The following ARHGEF28 variants were observed in gnomAD, a reference collection of about 807,000 sequenced individuals.
The protein encoded by ARHGEF28 is 190 kDa guanine nucleotide exchange factor.
Under a neutral mutation model 206.6 loss-of-function variants are expected in ARHGEF28, and 152 were observed. The ratio of observed to expected loss-of-function variants is 0.74; its 90% CI spans 0.64 to 0.84. The LOEUF (loss-of-function observed/expected upper bound fraction) is 0.84. Ranked by LOEUF, ARHGEF28 falls within the 40% of genes least tolerant of loss-of-function variation. The pLI is 0.00. For missense variants in ARHGEF28, 2,028 were observed against 2,073.2 expected, an observed-to-expected ratio of 0.98 and a Z score of 0.42; for synonymous variants, 763 against 776.4, an observed-to-expected ratio of 0.98 and a Z score of 0.29.
At chr5:73,661,724 T>C (rs1745610502) in intron 1 of ARHGEF28, among the ~76,000 whole-genome samples, 1 of 151,934 alleles carries the variant, frequency 6.6e-6, no homozygotes, top group Non-Finnish European at 1.5e-5. Context: ...GGCCAGATGG[T>C]GGAGCAGACA....
rs1308077599 is a variant in ARHGEF28, at chr5:73,909,933, C to T, written c.4647+36C>T. On this transcript the variant is annotated intron_variant, in intron 34 of 35. Coordinates refer to ENST00000513042, the MANE Select transcript of ARHGEF28 (RefSeq NM_001177693.2). ...TCTGCGGTGCTGTGAGGCAGCCTCT[C>T]AAAGACAGGGGTGGGCCTGGGGGCT... 4.1e-6 allele frequency: 6 copies of T among 1,478,328 alleles called. No individual in the cohort carries two copies. The East Asian group carries it at 9.4e-5, about 23-fold the overall frequency. 91.6% of individuals were successfully genotyped at this position (1,478,328 alleles called of 1,614,324 possible).
At chr5:73,860,756 C>G (rs941385149) in intron 16 of ARHGEF28, among the ~76,000 whole-genome samples, 1 of 152,170 alleles carries the variant, frequency 6.6e-6, no homozygotes, top group African/African-American at 2.4e-5. Context: ...CCCACATAAA[C>G]TTAAGGACCT....
chr5:73,638,092 C>T (rs531078926), intron 1 of ARHGEF28, among the ~76,000 whole-genome samples: 15 of 152,348 alleles, frequency 9.8e-5, no homozygotes, highest in African/African-American at 3.1e-4. Flanking sequence ...AATGCAACCA[C>T]AAACTGTAGC....
intron 1 of ARHGEF28, among the ~76,000 whole-genome samples, chr5:73,634,780 C>A: frequency 6.6e-6 from 1 of 152,184 alleles, no homozygotes; most frequent in East Asian, 1.9e-4. Flanking sequence ...ATTAAAAAAT[C>A]ATTCCTTTCT....
At chr5:73,743,335 A>G (rs1047285526) in intron 2 of ARHGEF28, among the ~76,000 whole-genome samples, 3 of 151,938 alleles carry the variant, frequency 2.0e-5, no homozygotes, top group Admixed American at 6.6e-5. Flanking sequence ...CCTCTCTGGT[A>G]TTTTGTTACA....
At chr5:73,695,038 T>C (rs912675925) in intron 2 of ARHGEF28, among the ~76,000 whole-genome samples, 31 of 152,162 alleles carry the variant, frequency 2.0e-4, no homozygotes, top group African/African-American at 7.2e-4. Flanking sequence ...TGGGATCTCC[T>C]GGAGAGCAGT....
intron 22 of ARHGEF28, among the ~76,000 whole-genome samples, chr5:73,879,003 A>G (rs1760727844): frequency 6.6e-6 from 1 of 152,092 alleles, no homozygotes; most frequent in African/African-American, 2.4e-5. Flanking sequence ...TCTCCTGGAT[A>G]ATATCCTGCA....
At chr5:73,915,148 G>GT (rs111446677) in intron 35 of ARHGEF28, among the ~76,000 whole-genome samples, 38 of 149,376 alleles carry the variant, frequency 2.5e-4, no homozygotes, top group East Asian at 1.2e-3. Context: ...GTTTTTATTG[G>GT]TTTTTTTTTC....
At chr5:73,923,960 TGA>T (rs1763664789) in intron 35 of ARHGEF28, among the ~76,000 whole-genome samples, 1 of 152,218 alleles carries the variant, frequency 6.6e-6, no homozygotes, top group Non-Finnish European at 1.5e-5. Flanking sequence ...TTTTATTTAT[TGA>T]GACATAATTT....
At chr5:73,750,010 CT>C in intron 3 of ARHGEF28, 26 bp downstream of exon 3, 3 of 1,609,222 alleles carry the variant, frequency 1.9e-6, no homozygotes, top group Non-Finnish European at 2.5e-6. Context: ...TGTTGTGCAG[CT>C]GGGAAATTAG....
In ARHGEF28 at chr5:73,886,106, T is replaced by TTCA; in HGVS notation, c.3310+2_3310+3insTCA. The TTCA allele has an allele frequency of 6.2e-7, 1 of 1,609,460 alleles. No homozygotes were observed. Among genetic ancestry groups the TTCA allele is most frequent in the Non-Finnish European group, 8.5e-7 (1 of 1,177,672 alleles). On this transcript the variant is annotated splice_region_variant and intron_variant, in intron 25 of 35. Transcript: ENST00000513042. ...AAACTGCTACAGGTCGTTTCAAAGG[T>TTCA]ACTGTGGCTCTACCAGACCAATTTC...
chr5:73,841,031 G>A (rs1038543642), intron 11 of ARHGEF28, among the ~76,000 whole-genome samples: 38 of 152,198 alleles, frequency 2.5e-4, no homozygotes, highest in Admixed American at 6.5e-5. Context: ...ATGTTTTGGT[G>A]AGAATGCATA....
At chr5:73,718,948 T>C (rs550081084) in intron 2 of ARHGEF28, among the ~76,000 whole-genome samples, 1 of 152,336 alleles carries the variant, frequency 6.6e-6, no homozygotes, top group South Asian at 2.1e-4. Context: ...GTTCATCTCC[T>C]GGGCTGACGC....
chr5:73,857,013 G>A (rs1048265414), intron 14 of ARHGEF28, among the ~76,000 whole-genome samples: 1 of 152,088 alleles, frequency 6.6e-6, no homozygotes, highest in Admixed American at 6.6e-5. Context: ...GGTGTTCAGG[G>A]TATTCATGGG....
At chr5:73,862,896 C>T in intron 16 of ARHGEF28, 1 of 149,562 alleles carries the variant, frequency 6.7e-6, no homozygotes, top group African/African-American at 2.4e-5. Flanking sequence ...CCTTCTTGAA[C>T]TCCTAATTTT....
intron 1 of ARHGEF28, among the ~76,000 whole-genome samples, chr5:73,679,925 A>T (rs1746957576): frequency 6.6e-6 from 1 of 152,114 alleles, no homozygotes; most frequent in African/African-American, 2.4e-5. Flanking sequence ...ACCACATTGG[A>T]GTTCTTATTT....
At chr5:73,666,674 A>T (rs949992820) in intron 1 of ARHGEF28, among the ~76,000 whole-genome samples, 1 of 152,206 alleles carries the variant, frequency 6.6e-6, no homozygotes, top group Admixed American at 6.5e-5. Context: ...TTTATTTCTC[A>T]TAAAGGGTTG....
At chr5:73,894,664 C>T in intron 29 of ARHGEF28, 89 bp downstream of exon 29, 1 of 1,432,884 alleles carries the variant, frequency 7.0e-7, no homozygotes, top group Non-Finnish European at 9.4e-7. Flanking sequence ...GGTCTTGGTG[C>T]TGAGGATACA....
chr5:73,780,541 C>T (rs1753781625), intron 6 of ARHGEF28, 135 bp from the exon 7 acceptor site: 1 of 884,390 alleles, frequency 1.1e-6, no homozygotes, highest in African/African-American at 1.7e-5. Flanking sequence ...CTCCCAGCGG[C>T]TTTCACCCAC....
Sources: gnomAD v4.1 joint callset for allele counts (sites outside exome capture counted in the v4.1 genomes callset) on GRCh38, gnomAD v4.1.1 for gene constraint, MANE v1.5 for transcripts, NCBI Gene and HGNC (gene_info 2026-07-23, HGNC 2026-07-21) for gene names.